The following FBXO42 variants were observed in gnomAD, a reference collection of about 807,000 sequenced individuals.
FBXO42 encodes F-box only protein 42.
In FBXO42, 12 loss-of-function variants were observed where a neutral mutation model predicts 71.7. The ratio of observed to expected loss-of-function variants is 0.17; its 90% CI spans 0.11 to 0.27. The LOEUF is 0.27. Ranked by LOEUF, FBXO42 falls within the 10% of genes least tolerant of loss-of-function variation. The pLI is 1.00. For missense variants in FBXO42, 707 were observed against 911.9 expected (o/e 0.78, Z 2.89); for synonymous variants, 325 against 327.5 (o/e 0.99, Z 0.08).
intron 4 of FBXO42, among the ~76,000 whole-genome samples, chr1:16,272,649 G>A (rs940791383): frequency 6.6e-6 from 1 of 152,166 alleles, no homozygotes; most frequent in Non-Finnish European, 1.5e-5. Flanking sequence ...AGATTATGCA[G>A]GATCTTGTCA....
chr1:16,350,974 C>T (rs1279198464), intron 1 of FBXO42, among the ~76,000 whole-genome samples: 1 of 152,088 alleles, frequency 6.6e-6, no homozygotes, highest in Non-Finnish European at 1.5e-5. Flanking sequence ...AATCAGATTA[C>T]ACACGTGAAT....
In FBXO42 at chr1:16,348,644, T is replaced by A. The variant is rs564926919; in HGVS notation, c.-18+3611A>T. On this transcript the variant is annotated intron_variant, in intron 1 of 9. Transcript: ENST00000375592. ...GGAACCCGGGAGGTAGAGGTTACAG[T>A]GAGCAGAGATTGCGCCACTGCACTC... 5.3e-5 allele frequency among the ~76,000 whole-genome samples: 8 copies of A among 152,142 alleles called. No homozygotes were observed. The East Asian group carries it at 1.5e-3, about 29-fold the overall frequency.
intron 2 of FBXO42, among the ~76,000 whole-genome samples, chr1:16,306,922 A>G (rs919059175): frequency 2.0e-5 from 3 of 151,516 alleles, no homozygotes; most frequent in Non-Finnish European, 4.4e-5. Flanking sequence ...TTTCTTTTTG[A>G]GACAGAGTCT....
At chr1:16,304,877 G>T (rs2082233362) in intron 3 of FBXO42, among the ~76,000 whole-genome samples, 1 of 151,638 alleles carries the variant, frequency 6.6e-6, no homozygotes, top group East Asian at 2.0e-4. Context: ...GCTGAGGCAG[G>T]AGAATCATTT....
chr1:16,278,080 G>T lies in FBXO42; in HGVS notation c.502+16703C>A, dbSNP rs557683856. Reference sequence around the variant, plus strand: ...TTTTTAAAAATCCACATCCAGGCCAGGCGTGGTGGCTCATGCCTGTAATCC... The same window carrying T: ...TTTTTAAAAATCCACATCCAGGCCATGCGTGGTGGCTCATGCCTGTAATCC... On this transcript the variant is annotated intron_variant, in intron 4 of 9. Transcript: ENST00000375592. Among the ~76,000 whole-genome samples the T allele has an allele frequency of 5.3e-5, 8 of 152,218 alleles. No individual in the cohort carries two copies. The East Asian group carries it at 1.5e-3, about 29-fold the overall frequency.
chr1:16,277,700 G>A (rs1284386002), intron 4 of FBXO42, among the ~76,000 whole-genome samples: 1 of 148,320 alleles, frequency 6.7e-6, no homozygotes, highest in African/African-American at 2.5e-5. Context: ...CTCCAGGCCG[G>A]GTGACAGAGC....
chr1:16,339,956 A>C (rs1407544512), intron 1 of FBXO42, among the ~76,000 whole-genome samples: 3 of 152,124 alleles, frequency 2.0e-5, no homozygotes, highest in African/African-American at 7.2e-5. Flanking sequence ...CTGTCTCAAG[A>C]AAAAATTTAA....
intron 1 of FBXO42, among the ~76,000 whole-genome samples, chr1:16,350,766 A>G (rs930724533): frequency 2.1e-5 from 3 of 140,938 alleles, no homozygotes; most frequent in Non-Finnish European, 3.2e-5. Flanking sequence ...AAAAAGAAAG[A>G]AAGAAAGAAA....
At chr1:16,259,033 C>T (rs556689889) in intron 4 of FBXO42, among the ~76,000 whole-genome samples, 235 of 152,312 alleles carry the variant, frequency 1.5e-3, no homozygotes, top group Non-Finnish European at 1.4e-3. Context: ...ACCCACCTCA[C>T]CCAGTCAGAA....
At chr1:16,341,828 A>G (rs1218919484) in intron 1 of FBXO42, among the ~76,000 whole-genome samples, 1 of 144,356 alleles carries the variant, frequency 6.9e-6, no homozygotes, top group African/African-American at 2.6e-5. Flanking sequence ...AAAATTAGCC[A>G]GGCATAGTGG....
intron 4 of FBXO42, among the ~76,000 whole-genome samples, chr1:16,282,236 T>A (rs970784869): frequency 6.9e-6 from 1 of 143,928 alleles, no homozygotes; most frequent in African/African-American, 2.7e-5. Context: ...TTTTTTTTTC[T>A]TTTTTTTGAG....
intron 1 of FBXO42, among the ~76,000 whole-genome samples, chr1:16,337,341 A>G (rs1231044531): frequency 6.6e-6 from 1 of 152,152 alleles, no homozygotes; most frequent in African/African-American, 2.4e-5. Flanking sequence ...TAGATGAGAA[A>G]ATGGAATCAA....
Position 16,287,821 on chromosome 1 carries a change from T to C in FBXO42, c.502+6962A>G, listed in dbSNP as rs1028492699. Reference sequence around the variant, plus strand: ...ACTCTCGGCCAGGCACAGTGGCTCATGCCTGTAATCCCAGCACTTTGGGAA... The same window carrying C: ...ACTCTCGGCCAGGCACAGTGGCTCACGCCTGTAATCCCAGCACTTTGGGAA... On this transcript the variant is annotated intron_variant, in intron 4 of 9. Coordinates refer to ENST00000375592, the MANE Select transcript of FBXO42 (RefSeq NM_018994.3). Among the ~76,000 whole-genome samples, 5 of 152,036 alleles carry C rather than the reference T, an allele frequency of 3.3e-5. No homozygotes were observed. In the East Asian group the frequency reaches 9.7e-4, roughly 30 times the overall value.
intron 4 of FBXO42, among the ~76,000 whole-genome samples, chr1:16,270,440 G>A (rs1461542384): frequency 1.3e-5 from 2 of 152,020 alleles, no homozygotes; most frequent in African/African-American, 2.4e-5. Context: ...AAGTACTTAG[G>A]ATTTGTCCAG....
chr1:16,271,267 GTGT>G (rs2081842450), intron 4 of FBXO42, among the ~76,000 whole-genome samples: 2 of 104,854 alleles, frequency 1.9e-5, no homozygotes, highest in Non-Finnish European at 4.7e-5. Flanking sequence ...TGGTGTGTGT[GTGT>G]GTGTGTGTGT....
intron 2 of FBXO42, 120 bp from the exon 3 acceptor site, chr1:16,306,039 T>G: frequency 1.3e-6 from 1 of 745,614 alleles, no homozygotes; most frequent in Non-Finnish European, 2.2e-6. Context: ...TTTTCTTTTT[T>G]TGAGATGGAG....
At chr1:16,302,882 C>T (rs1431097481) in intron 3 of FBXO42, among the ~76,000 whole-genome samples, 2 of 152,082 alleles carry the variant, frequency 1.3e-5, no homozygotes, top group Admixed American at 6.6e-5. Flanking sequence ...TGGAGGAAAC[C>T]GCCCCCATGA....
At chr1:16,266,856 T>C (rs1262519449) in intron 4 of FBXO42, among the ~76,000 whole-genome samples, 1 of 152,124 alleles carries the variant, frequency 6.6e-6, no homozygotes, top group East Asian at 1.9e-4. Context: ...TCAGAAAACC[T>C]AGAGGGCACT....
At chr1:16,333,977 AAAT>A (rs2082526251) in intron 1 of FBXO42, among the ~76,000 whole-genome samples, 3 of 152,240 alleles carry the variant, frequency 2.0e-5, no homozygotes, top group Admixed American at 6.5e-5. Flanking sequence ...TGTACGGTAA[AAAT>A]AATAATCCAT....
Sources: allele counts gnomAD v4.1 joint callset (sites outside exome capture counted in the v4.1 genomes callset), GRCh38; gene constraint gnomAD v4.1.1; transcripts MANE v1.5; gene names NCBI Gene and HGNC (gene_info 2026-07-23, HGNC 2026-07-21).